The following FGF21 variants were observed in gnomAD, a reference collection of about 807,000 sequenced individuals.
The protein encoded by FGF21 is fibroblast growth factor 21.
In FGF21, 13 loss-of-function variants were observed where a neutral mutation model predicts 13.4. The observed-to-expected ratio is 0.97, with a 90% CI of 0.63 to 1.54. The LOEUF (loss-of-function observed/expected upper bound fraction) is 1.54. Among genes scored for constraint, FGF21 ranks in the 40% most tolerant of loss-of-function variants. The pLI is 0.00. For synonymous variants in FGF21, 124 were observed against 123.6 expected (o/e 1.00, Z -0.02); for missense variants, 303 against 272.4 (o/e 1.11, Z -0.79).
In FGF21 at chr19:48,756,861, T is replaced by G. The variant is rs989643602; in HGVS notation, c.236-65T>G. ...GACAGAGCCGGATGGTGGGACAGAG[T>G]CGGGTGGTGGGACAGTCCCGGGTGG... On this transcript the variant is annotated intron_variant, in intron 2 of 3. Transcript: ENST00000593756. The G allele has an allele frequency of 1.4e-5, 18 of 1,249,380 alleles. No individual in the cohort carries two copies. In the Admixed American group the frequency reaches 3.1e-4, roughly 22 times the overall value. 77.4% of individuals were successfully genotyped at this position (1,249,380 alleles called of 1,614,324 possible).
intron 3 of FGF21, 53 bp from the exon 4 acceptor site, chr19:48,757,877 T>C: frequency 6.7e-7 from 1 of 1,495,406 alleles, no homozygotes; most frequent in South Asian, 1.3e-5. Flanking sequence ...ATCCTGGGTC[T>C]TACATCAGGA....
rs2034088803 is a variant in FGF21 at position 48,756,193 on chromosome 19, T to C, written c.-44T>C. ...CACCAATTCTAAACCACTCAGCTTC[T>C]CCGAGCTCACACCCCGGAGATCACC... On this transcript the variant is annotated 5_prime_UTR_variant, in exon 2 of 4. Transcript: ENST00000593756. The C allele has an allele frequency of 1.3e-6, 2 of 1,557,946 alleles. No individual in the cohort carries two copies. The highest frequency in any genetic ancestry group is 1.1e-5 in the South Asian group (1 of 87,136).
chr19:48,758,130 C>T lies in FGF21; in HGVS notation c.540C>T (p.Ile180=). 6.2e-7 allele frequency: 1 copy of T among 1,611,508 alleles called. No homozygotes were observed. The highest frequency in any genetic ancestry group is 8.5e-7 in the Non-Finnish European group (1 of 1,179,370). The part of the protein sequence containing the change: ...LPPALPEPPG[I]LAPQPPDVGS... ...CCGCACTCCCGGAGCCACCCGGAAT[C>T]CTGGCCCCCCAGCCCCCCGATGTGG... The change falls in exon 4 of 4, where the codon ATC becomes ATT. Residue 180 remains isoleucine (I), a synonymous_variant. Coordinates refer to ENST00000593756, the MANE Select transcript of FGF21 (RefSeq NM_019113.4).
rs1212359839 is a variant in FGF21, at chr19:48,756,371, G to T, written c.135G>T (p.Arg45=). 5.6e-6 allele frequency: 9 copies of T among 1,613,880 alleles called. No homozygotes were observed. The highest frequency in any genetic ancestry group is 7.6e-6 in the Non-Finnish European group (9 of 1,180,030). ...SPLLQFGGQV[R]QRYLYTDDAQ... is the part of the protein sequence containing the mutation. ...TCCTGCAATTCGGGGGCCAAGTCCG[G>T]CAGCGGTACCTCTACACAGATGATG... Residue 45 remains arginine (R), a synonymous_variant, in exon 2 of 4, where the codon CGG becomes CGT. Transcript: ENST00000593756.
rs1287871906 is a variant in FGF21, at chr19:48,755,710, T to C, written c.-421T>C. The C allele has an allele frequency of 6.6e-6, 1 of 152,470 alleles. No individual in the cohort carries two copies. Among genetic ancestry groups the C allele is most frequent in the Non-Finnish European group, 1.5e-5 (1 of 68,352 alleles). The allele number at this position is 152,470 out of a possible 1,614,324, so 9.4% of individuals were successfully genotyped here. A position where few individuals can be genotyped will look rare whatever the true frequency, so the allele number is the denominator to read the frequency against. On this transcript the variant is annotated 5_prime_UTR_variant, in exon 1 of 4. Coordinates refer to ENST00000593756, the MANE Select transcript of FGF21 (RefSeq NM_019113.4). ...AGATGGGGCGCAGAAATTTCTCTTG[T>C]TCTGCGTGATCTGCATAGATGGTCC...
Position 48,756,149 on chromosome 19 carries a change from C to A in FGF21, c.-88C>A. 1 of 1,176,284 alleles carries A rather than the reference C, an allele frequency of 8.5e-7. No homozygotes were observed. The highest frequency in any genetic ancestry group is 1.2e-6 in the Non-Finnish European group (1 of 825,390). 72.9% of individuals were successfully genotyped at this position (1,176,284 alleles called of 1,614,324 possible). On this transcript the variant is annotated 5_prime_UTR_variant, in exon 2 of 4. The change creates a new upstream start codon in the 5' untranslated region. Coordinates refer to ENST00000593756, the MANE Select transcript of FGF21 (RefSeq NM_019113.4). Reference sequence around the variant, plus strand: ...ACTCAGGCCACCTGAGTCTACTCACCTGGACAACTGGAATCTGGCACCAAT... The same window carrying A: ...ACTCAGGCCACCTGAGTCTACTCACATGGACAACTGGAATCTGGCACCAAT...
At chr19:48,757,786 G>A (rs1431533302) in intron 3 of FGF21, 144 bp from the exon 4 acceptor site, 2 of 683,362 alleles carry the variant, frequency 2.9e-6, no homozygotes, top group African/African-American at 1.9e-5. Flanking sequence ...GGAGAAACTA[G>A]GGTCTGGACC....
At chr19:48,757,425 G>A (rs1002370172) in intron 3 of FGF21, among the ~76,000 whole-genome samples, 4 of 152,220 alleles carry the variant, frequency 2.6e-5, no homozygotes, top group African/African-American at 9.6e-5. Flanking sequence ...GAGACACCCC[G>A]CCTGGCCTGA....
Position 48,756,974 on chromosome 19 carries a change from G to A in FGF21, c.284G>A (p.Gly95Glu). ...ALKPGVIQIL[G>E]VKTSRFLCQR... ...AAGCCGGGAGTTATTCAAATCTTGG[G>A]AGTCAAGACATCCAGGTTCCTGTGC... The change falls in exon 3 of 4, where the codon GGA becomes GAA. Residue 95 changes from glycine to glutamate, a missense_variant. Coordinates refer to ENST00000593756, the MANE Select transcript of FGF21 (RefSeq NM_019113.4). The A allele has an allele frequency of 6.2e-7, 1 of 1,614,084 alleles. No individual in the cohort carries two copies. The highest frequency in any genetic ancestry group is 8.5e-7 in the Non-Finnish European group (1 of 1,179,986).
chr19:48,756,262 A>G lies in FGF21; in HGVS notation c.26A>G (p.Glu9Gly). 1.2e-6 allele frequency: 2 copies of G among 1,613,890 alleles called. No individual in the cohort carries two copies. The highest frequency in any genetic ancestry group is 1.7e-6 in the Non-Finnish European group (2 of 1,179,882). Residue 9 changes from glutamate to glycine, a missense_variant, in exon 2 of 4, where the codon GAG (glutamate) becomes GGG (glycine). Glu to Gly is a moderately conservative substitution (Grantham distance 98). Transcript: ENST00000593756. The part of the protein sequence containing the change: MDSDETGF[E>G]HSGLWVSVLA... ...ATGGACTCGGACGAGACCGGGTTCGAGCACTCAGGACTGTGGGTTTCTGTG... is the reference window on the plus strand; with the variant it reads ...ATGGACTCGGACGAGACCGGGTTCGGGCACTCAGGACTGTGGGTTTCTGTG...
rs1352002434 is a variant in FGF21, at chr19:48,756,132, CA to C, written c.-104del. On this transcript the variant is annotated 5_prime_UTR_variant, in exon 2 of 4. Transcript: ENST00000593756. ...CGAAAGAGGAGCCAGGCACTCAGGC[CA>C]CCTGAGTCTACTCACCTGGACAACT... 6 of 918,402 alleles carry C rather than the reference CA, an allele frequency of 6.5e-6. No individual in the cohort carries two copies. The highest frequency in any genetic ancestry group is 9.9e-6 in the Non-Finnish European group (6 of 608,676). 56.9% of individuals were successfully genotyped at this position (918,402 alleles called of 1,614,324 possible).
chr19:48,757,901 C>T (rs767983979), intron 3 of FGF21, 29 bp from the exon 4 acceptor site: 74 of 1,517,796 alleles, frequency 4.9e-5, no homozygotes, highest in Non-Finnish European at 6.4e-5. Flanking sequence ...CAGAGGAACC[C>T]TGTCTCTGAT....
At position 48,757,020 on chromosome 19, in the gene FGF21, G is replaced by A. The variant is rs2034115885; in HGVS notation, c.330G>A (p.Leu110=). Residue 110 remains leucine, a synonymous_variant, in exon 3 of 4, where the codon CTG becomes CTA. Coordinates refer to ENST00000593756, the MANE Select transcript of FGF21 (RefSeq NM_019113.4). The part of the protein sequence containing the change: ...RFLCQRPDGA[L]YGSLHFDPEA... Reference sequence around the variant, plus strand: ...TGTGCCAGCGGCCAGATGGGGCCCTGTATGGATCGGTGAGTTTCCAGGACC... The same window carrying A: ...TGTGCCAGCGGCCAGATGGGGCCCTATATGGATCGGTGAGTTTCCAGGACC... 6.2e-7 allele frequency: 1 copy of A among 1,613,526 alleles called. No individual in the cohort carries two copies. The highest frequency in any genetic ancestry group is 1.7e-5 in the Admixed American group (1 of 59,952).
At chr19:48,757,354 G>T (rs1379080804) in intron 3 of FGF21, among the ~76,000 whole-genome samples, 4 of 152,134 alleles carry the variant, frequency 2.6e-5, no homozygotes. Flanking sequence ...GGCTCATGCT[G>T]GGCACAGGGA....
rs755387755 is a variant in FGF21 at position 48,758,156 on chromosome 19, G to A, written c.566G>A (p.Gly189Asp). ...GILAPQPPDV[G>D]SSDPLSMVGP... ...CTGGCCCCCCAGCCCCCCGATGTGG[G>A]CTCCTCGGACCCTCTGAGCATGGTG... The change falls in exon 4 of 4, where the codon GGC becomes GAC. Residue 189 changes from glycine (G) to aspartate (D), a missense_variant. Transcript: ENST00000593756. 1 of 1,612,302 alleles carries A rather than the reference G, an allele frequency of 6.2e-7. No individual in the cohort carries two copies. Among genetic ancestry groups the A allele is most frequent in the Non-Finnish European group, 8.5e-7 (1 of 1,179,804 alleles).
chr19:48,757,613 ACCCCTGGG>A (rs2034128280), intron 3 of FGF21, among the ~76,000 whole-genome samples: 1 of 120,242 alleles, frequency 8.3e-6, no homozygotes, highest in African/African-American at 3.3e-5. Context: ...GGGGGCCTGG[ACCCCTGGG>A]TCTGAGGGAG....
rs867721982 is a variant in FGF21, at chr19:48,758,022, G to A, written c.432G>A (p.Leu144=). The change falls in exon 4 of 4, where the codon CTG becomes CTA. Residue 144 remains leucine, a synonymous_variant. Coordinates refer to ENST00000593756, the MANE Select transcript of FGF21 (RefSeq NM_019113.4). ...VYQSEAHGLP[L]HLPGNKSPHR... is the part of the protein sequence containing the mutation. ...AGTCCGAAGCCCACGGCCTCCCGCTGCACCTGCCAGGGAACAAGTCCCCAC... is the reference window on the plus strand; with the variant it reads ...AGTCCGAAGCCCACGGCCTCCCGCTACACCTGCCAGGGAACAAGTCCCCAC... 5.0e-6 allele frequency: 8 copies of A among 1,613,172 alleles called. No individual in the cohort carries two copies. Among genetic ancestry groups the A allele is most frequent in the Non-Finnish European group, 5.9e-6 (7 of 1,179,642 alleles).
At position 48,756,108 on chromosome 19, in the gene FGF21, G is replaced by C; in HGVS notation, c.-129G>C. 6 of 702,010 alleles carry C rather than the reference G, an allele frequency of 8.5e-6. No homozygotes were observed. The highest frequency in any genetic ancestry group is 1.2e-5 in the Non-Finnish European group (5 of 423,910). The allele number at this position is 702,010 out of a possible 1,614,324, so 43.5% of individuals were successfully genotyped here. A position where few individuals can be genotyped will look rare whatever the true frequency, so the allele number is the denominator to read the frequency against. ...TGTTCTGTCAGCTGAGGATCCAGCCGAAAGAGGAGCCAGGCACTCAGGCCA... is the reference window on the plus strand; with the variant it reads ...TGTTCTGTCAGCTGAGGATCCAGCCCAAAGAGGAGCCAGGCACTCAGGCCA... On this transcript the variant is annotated 5_prime_UTR_variant, in exon 2 of 4. Transcript: ENST00000593756.
At position 48,756,030 on chromosome 19, in the gene FGF21, G is replaced by A. The variant is rs1258240154; in HGVS notation, c.-207G>A. The A allele has an allele frequency of 1.7e-6, 1 of 579,756 alleles. No homozygotes were observed. Among genetic ancestry groups the A allele is most frequent in the Non-Finnish European group, 3.1e-6 (1 of 325,354 alleles). The allele number at this position is 579,756 out of a possible 1,614,324, so 35.9% of individuals were successfully genotyped here. A position where few individuals can be genotyped will look rare whatever the true frequency, so the allele number is the denominator to read the frequency against. ...AGGCGCAGGGAGGGTGATTGGGCGGGCCTGTCTGGGTATAAATTCTGGAGC... is the reference window on the plus strand; with the variant it reads ...AGGCGCAGGGAGGGTGATTGGGCGGACCTGTCTGGGTATAAATTCTGGAGC... On this transcript the variant is annotated 5_prime_UTR_variant, in exon 2 of 4. Transcript: ENST00000593756.
Sources: gnomAD v4.1 joint callset for allele counts (sites outside exome capture counted in the v4.1 genomes callset) on GRCh38, gnomAD v4.1.1 for gene constraint, MANE v1.5 for transcripts, NCBI Gene and HGNC (gene_info 2026-07-23, HGNC 2026-07-21) for gene names.